The following LINGO2 variants were observed in gnomAD, a reference collection of about 807,000 sequenced individuals.
The protein encoded by LINGO2 is leucine-rich repeat and immunoglobulin-like domain-containing nogo receptor-interacting protein 2.
In LINGO2, 14 loss-of-function variants were observed where a neutral mutation model predicts 30.6. The observed-to-expected ratio is 0.46, with a 90% CI of 0.30 to 0.72. The LOEUF (loss-of-function observed/expected upper bound fraction) is 0.72, where lower values mean the gene tolerates loss of function less well. Ranked by LOEUF, LINGO2 falls within the 30% of genes least tolerant of loss-of-function variation. The pLI is 0.07. For missense variants in LINGO2, 729 were observed against 751.7 expected, an observed-to-expected ratio of 0.97 and a Z score of 0.35; for synonymous variants, 317 against 288.5, an observed-to-expected ratio of 1.10 and a Z score of -1.00.
intron 4 of LINGO2, among the ~76,000 whole-genome samples, chr9:28,215,842 C>A (rs938551618): frequency 6.6e-6 from 1 of 151,838 alleles, no homozygotes; most frequent in East Asian, 1.9e-4. Flanking sequence ...GCAGAGAAAA[C>A]AGACTTAAAT....
chr9:28,725,569 AG>A, the LINGO2 span, among the ~76,000 whole-genome samples: 3 of 151,206 alleles, frequency 2.0e-5, no homozygotes, highest in Non-Finnish European at 4.4e-5. Context: ...TGGAATAAAA[AG>A]AAAAAAAAAA....
the LINGO2 span, among the ~76,000 whole-genome samples, chr9:28,913,084 C>G: frequency 6.6e-6 from 1 of 152,202 alleles, no homozygotes; most frequent in Non-Finnish European, 1.5e-5. Context: ...TCAGTTTCAA[C>G]TGATCTAGAC....
At chr9:28,278,572 G>T (rs1008216408) in intron 4 of LINGO2, among the ~76,000 whole-genome samples, 4 of 152,072 alleles carry the variant, frequency 2.6e-5, no homozygotes, top group Non-Finnish European at 5.9e-5. Flanking sequence ...AAACAACAAA[G>T]CCTGGATGAC....
chr9:28,908,172 CAT>C, the LINGO2 span, among the ~76,000 whole-genome samples: 2 of 139,836 alleles, frequency 1.4e-5, no homozygotes, highest in South Asian at 4.5e-4. Flanking sequence ...CACACACACA[CAT>C]ACAAAACTTC....
At chr9:28,285,670 G>T (rs1823482660) in intron 4 of LINGO2, among the ~76,000 whole-genome samples, 1 of 151,976 alleles carries the variant, frequency 6.6e-6, no homozygotes, top group African/African-American at 2.4e-5. Context: ...CTCCCAAAGT[G>T]CTGGGATTAC....
At chr9:28,008,266 T>G (rs1822367272) in intron 5 of LINGO2, among the ~76,000 whole-genome samples, 1 of 152,184 alleles carries the variant, frequency 6.6e-6, no homozygotes, top group African/African-American at 2.4e-5. Flanking sequence ...TTCTGGTATT[T>G]ATTCCTCTAT....
the LINGO2 span, among the ~76,000 whole-genome samples, chr9:29,049,063 C>T: frequency 6.6e-6 from 1 of 151,964 alleles, no homozygotes; most frequent in African/African-American, 2.4e-5. Flanking sequence ...TGCAAACTAC[C>T]CATTTGACAA....
the LINGO2 span, among the ~76,000 whole-genome samples, chr9:29,171,440 A>G: frequency 4.0e-5 from 6 of 151,840 alleles, no homozygotes; most frequent in African/African-American, 1.5e-4. Flanking sequence ...CCACTAGTTT[A>G]TTTTTCTTTG....
chr9:28,002,680 T>C, intron 5 of LINGO2, among the ~76,000 whole-genome samples: 1 of 152,128 alleles, frequency 6.6e-6, no homozygotes, highest in East Asian at 1.9e-4. Flanking sequence ...TAAGTACAAG[T>C]CCTTGAATAA....
At chr9:28,972,856 C>G in the LINGO2 span, among the ~76,000 whole-genome samples, 833 of 152,202 alleles carry the variant, frequency 5.5e-3, 10 homozygotes, top group African/African-American at 0.019. Flanking sequence ...TTCACTGTCA[C>G]GAGAACAGCA....
the LINGO2 span, among the ~76,000 whole-genome samples, chr9:28,958,235 T>C: frequency 1.3e-5 from 2 of 152,098 alleles, no homozygotes; most frequent in African/African-American, 4.8e-5. Flanking sequence ...GCAGCTGTAT[T>C]TAAGGATTGT....
chr9:29,080,151 C>A, the LINGO2 span, among the ~76,000 whole-genome samples: 3 of 152,070 alleles, frequency 2.0e-5, no homozygotes, highest in Admixed American at 2.0e-4. Flanking sequence ...AGGGATTCAA[C>A]TTCTTCCTGG....
In LINGO2 at chr9:28,308,214, T is replaced by C. The variant is rs1203998604; in HGVS notation, c.-245-12848A>G. The stretch of plus-strand genomic sequence containing the variant: ...GGCTACAGTAACCAAAACAGCATGG[T>C]ACTGGTACCAAAACAGAGATATAGA... On this transcript the variant is annotated intron_variant, in intron 3 of 5. Transcript: ENST00000379992. Among the ~76,000 whole-genome samples the C allele has an allele frequency of 6.2e-5, 8 of 128,714 alleles. 1 individual carries two copies. The highest frequency in any genetic ancestry group is 1.4e-4 in the Non-Finnish European group (8 of 55,180). 84.4% of individuals were successfully genotyped at this position (128,714 alleles called of 152,430 possible).
intron 4 of LINGO2, among the ~76,000 whole-genome samples, chr9:28,258,370 G>A (rs1461133707): frequency 6.6e-6 from 1 of 151,632 alleles, no homozygotes; most frequent in African/African-American, 2.4e-5. Flanking sequence ...GAGGTCTGAG[G>A]AATAAATGTA....
At chr9:28,893,239 C>T in the LINGO2 span, among the ~76,000 whole-genome samples, 2 of 151,768 alleles carry the variant, frequency 1.3e-5, no homozygotes, top group East Asian at 3.9e-4. Flanking sequence ...GAATTGGGAC[C>T]GTATTACCCA....
the LINGO2 span, among the ~76,000 whole-genome samples, chr9:28,874,933 G>C: frequency 2.0e-5 from 3 of 152,074 alleles, no homozygotes; most frequent in Non-Finnish European, 2.9e-5. Flanking sequence ...GGTTGTACTG[G>C]TTGACTATAC....
the LINGO2 span, among the ~76,000 whole-genome samples, chr9:28,803,486 A>G: frequency 1.3e-5 from 2 of 151,826 alleles, no homozygotes; most frequent in African/African-American, 4.8e-5. Flanking sequence ...TTGACATTAA[A>G]TAATTTTAAA....
At chr9:29,108,449 C>T in the LINGO2 span, among the ~76,000 whole-genome samples, 1 of 152,068 alleles carries the variant, frequency 6.6e-6, no homozygotes, top group Non-Finnish European at 1.5e-5. Context: ...CAGCAACTTG[C>T]CTCCAAATAC....
At chr9:28,058,423 G>A (rs1825028518) in intron 4 of LINGO2, among the ~76,000 whole-genome samples, 2 of 152,222 alleles carry the variant, frequency 1.3e-5, no homozygotes, top group East Asian at 3.9e-4. Context: ...AAGAGAGTGA[G>A]TGCTACAATA....
Sources: allele counts gnomAD v4.1 joint callset (sites outside exome capture counted in the v4.1 genomes callset), GRCh38; gene constraint gnomAD v4.1.1; transcripts MANE v1.5; gene names NCBI Gene and HGNC (gene_info 2026-07-23, HGNC 2026-07-21).